The following CWF19L2 variants were observed in gnomAD, a reference collection of about 807,000 sequenced individuals.
The protein encoded by CWF19L2 is CWF19-like protein 2.
A neutral mutation model predicts 111.7 loss-of-function variants in CWF19L2; 98 were observed. The observed-to-expected ratio is 0.88, with a 90% CI of 0.75 to 1.04. CWF19L2 has a LOEUF of 1.04. Among genes scored for constraint, CWF19L2 ranks in the 50% least tolerant of loss-of-function variants. The pLI is 0.00. For missense variants in CWF19L2, 1,101 were observed against 1,051.4 expected, an observed-to-expected ratio of 1.05 and a Z score of -0.65; for synonymous variants, 351 against 342.9, an observed-to-expected ratio of 1.02 and a Z score of -0.26.
intron 12 of CWF19L2, among the ~76,000 whole-genome samples, chr11:107,374,183 T>C (rs1860560032): frequency 7.6e-6 from 1 of 132,086 alleles, no homozygotes; most frequent in Non-Finnish European, 1.6e-5. Flanking sequence ...GGAACCAAGT[T>C]GGAAAACACT....
At chr11:107,390,248 A>C (rs1165916915) in intron 11 of CWF19L2, 37 bp from the exon 12 acceptor site, 1 of 1,509,966 alleles carries the variant, frequency 6.6e-7, no homozygotes, top group South Asian at 1.2e-5. Flanking sequence ...TAATGAAAAC[A>C]TGAGTCTCTG....
chr11:107,360,012 T>G (rs1016848921), intron 12 of CWF19L2, among the ~76,000 whole-genome samples: 1 of 152,256 alleles, frequency 6.6e-6, no homozygotes, highest in East Asian at 1.9e-4. Context: ...GTTGCATGCA[T>G]AGATTGCATA....
chr11:107,456,855 G>A (rs1439220275), intron 1 of CWF19L2, among the ~76,000 whole-genome samples: 1 of 152,162 alleles, frequency 6.6e-6, no homozygotes, highest in Non-Finnish European at 1.5e-5. Context: ...GGAGATTAAA[G>A]GAGAATGGGG....
chr11:107,390,321 C>G lies in CWF19L2; in HGVS notation c.1735-110G>C, dbSNP rs939098750. On this transcript the variant is annotated intron_variant, in intron 11 of 17. Transcript: ENST00000282251. ...AAATGTAAAAATCCCACTATGTAAT[C>G]ACAACCTTTCCTTCCAGTTTATCCC... The G allele has an allele frequency of 4.5e-6, 4 of 897,660 alleles. No homozygotes were observed. In the African/African-American group the frequency reaches 5.2e-5, roughly 12 times the overall value. The allele number at this position is 897,660 out of a possible 1,614,324, so 55.6% of individuals were successfully genotyped here. A position where few individuals can be genotyped will look rare whatever the true frequency, so the allele number is the denominator to read the frequency against.
rs1323291013 is a variant in CWF19L2 at position 107,374,352 on chromosome 11, G to C, written c.1872+15722C>G. Among the ~76,000 whole-genome samples, 8 of 132,732 alleles carry C rather than the reference G, an allele frequency of 6.0e-5. 1 individual carries two copies. The highest frequency in any genetic ancestry group is 3.7e-4 in the Admixed American group (5 of 13,582). The allele number at this position is 132,732 out of a possible 152,430, so 87.1% of individuals were successfully genotyped here. On this transcript the variant is annotated intron_variant, in intron 12 of 17. Coordinates refer to ENST00000282251, the MANE Select transcript of CWF19L2 (RefSeq NM_152434.3). ...CCAAAGTTGAAATGAAGGAAAAAAT[G>C]TTAAGGGCAGCCAGAGAGAAAGGTT...
In CWF19L2 at chr11:107,368,498, G is replaced by A. The variant is rs1005955689; in HGVS notation, c.1873-14762C>T. 1.2e-4 allele frequency among the ~76,000 whole-genome samples: 17 copies of A among 137,692 alleles called. 5 individuals carry two copies. Among genetic ancestry groups the A allele is most frequent in the Non-Finnish European group, 2.5e-4 (16 of 64,158 alleles). The allele number at this position is 137,692 out of a possible 152,430, so 90.3% of individuals were successfully genotyped here. ...TGTCTGGCATACACATCCACTTGCCGTCACAGTAACTACTAAACTTCATGA... is the reference window on the plus strand; with the variant it reads ...TGTCTGGCATACACATCCACTTGCCATCACAGTAACTACTAAACTTCATGA... On this transcript the variant is annotated intron_variant, in intron 12 of 17. Coordinates refer to ENST00000282251, the MANE Select transcript of CWF19L2 (RefSeq NM_152434.3).
At chr11:107,331,838 C>T (rs996653263) in intron 16 of CWF19L2, among the ~76,000 whole-genome samples, 7 of 152,204 alleles carry the variant, frequency 4.6e-5, no homozygotes, top group African/African-American at 1.7e-4. Context: ...TATTCTCTCC[C>T]TGCAGGCTGC....
In CWF19L2 at chr11:107,447,888, A is replaced by T. The variant is rs139034826; in HGVS notation, c.340-4839T>A. 4.1e-3 allele frequency among the ~76,000 whole-genome samples: 624 copies of T among 152,330 alleles called. 8 individuals are homozygous for T. The highest frequency in any genetic ancestry group is 0.015 in the African/African-American group (608 of 41,576). ...AGCAAACCAAGACTTTAACACAGCT[A>T]TCATAAATATGTTCAAGGAAGGGAA... On this transcript the variant is annotated intron_variant, in intron 3 of 17. Coordinates refer to ENST00000282251, the MANE Select transcript of CWF19L2 (RefSeq NM_152434.3).
intron 8 of CWF19L2, 39 bp downstream of exon 8, chr11:107,428,760 C>G (rs1861415552): frequency 6.8e-7 from 1 of 1,477,254 alleles, no homozygotes; most frequent in Admixed American, 2.0e-5. Flanking sequence ...TTTGAACTCT[C>G]TGGATCTTAA....
chr11:107,369,245 T>A lies in CWF19L2; in HGVS notation c.1873-15509A>T, dbSNP rs1222458142. ...TACTGCCATAAGCTCCTTGTGGTAG[T>A]CTGTTTCTTCACTTATAATTTGATG... On this transcript the variant is annotated intron_variant, in intron 12 of 17. Coordinates refer to ENST00000282251, the MANE Select transcript of CWF19L2 (RefSeq NM_152434.3). Among the ~76,000 whole-genome samples, 6 of 138,326 alleles carry A rather than the reference T, an allele frequency of 4.3e-5. 2 individuals carry two copies. The highest frequency in any genetic ancestry group is 1.7e-4 in the African/African-American group (6 of 34,752). The allele number at this position is 138,326 out of a possible 152,430, so 90.7% of individuals were successfully genotyped here.
In CWF19L2 at chr11:107,441,496, C is replaced by A. The variant is rs2135420640; in HGVS notation, c.570+7G>T. 2 of 1,515,802 alleles carry A rather than the reference C, an allele frequency of 1.3e-6. No homozygotes were observed. Among genetic ancestry groups the A allele is most frequent in the African/African-American group, 1.4e-5 (1 of 70,966 alleles). The allele number at this position is 1,515,802 out of a possible 1,614,324, so 93.9% of individuals were successfully genotyped here. Reference sequence around the variant, plus strand: ...AGAAAGTTAAAGCATTTCAAATATTCTCTTACCTGTTCAAGCGCTTGGTTT... The same window carrying A: ...AGAAAGTTAAAGCATTTCAAATATTATCTTACCTGTTCAAGCGCTTGGTTT... On this transcript the variant is annotated splice_region_variant and intron_variant, in intron 5 of 17. Transcript: ENST00000282251.
chr11:107,394,434 A>G (rs912569543), intron 10 of CWF19L2, among the ~76,000 whole-genome samples: 1 of 152,154 alleles, frequency 6.6e-6, no homozygotes, highest in African/African-American at 2.4e-5. Context: ...TCAAAATACT[A>G]AGTCCAATAC....
intron 13 of CWF19L2, among the ~76,000 whole-genome samples, chr11:107,352,321 T>G (rs1860167647): frequency 6.6e-6 from 1 of 152,148 alleles, no homozygotes; most frequent in Non-Finnish European, 1.5e-5. Flanking sequence ...TTAAAACTGA[T>G]CTGGTTATGT....
At chr11:107,428,759 T>C in intron 8 of CWF19L2, 40 bp downstream of exon 8, 1 of 1,469,092 alleles carries the variant, frequency 6.8e-7, no homozygotes, top group Non-Finnish European at 9.3e-7. Flanking sequence ...CTTTGAACTC[T>C]CTGGATCTTA....
chr11:107,405,429 T>G (rs755604580), intron 10 of CWF19L2, among the ~76,000 whole-genome samples: 14 of 152,206 alleles, frequency 9.2e-5, no homozygotes, highest in Non-Finnish European at 1.6e-4. Context: ...AGATTAAAAC[T>G]TGCAGTTGCT....
intron 10 of CWF19L2, among the ~76,000 whole-genome samples, chr11:107,393,507 G>A (rs995768804): frequency 3.3e-5 from 5 of 152,122 alleles, no homozygotes; most frequent in Non-Finnish European, 5.9e-5. Context: ...TTATTGGAAG[G>A]ATTCTAATAA....
chr11:107,370,010 T>A (rs1860485453), intron 12 of CWF19L2, among the ~76,000 whole-genome samples: 1 of 137,732 alleles, frequency 7.3e-6, no homozygotes, highest in East Asian at 2.1e-4. Context: ...TAGAAATATA[T>A]CCACATTTCC....
chr11:107,447,489 T>A (rs1389296722), intron 3 of CWF19L2, among the ~76,000 whole-genome samples: 1 of 152,162 alleles, frequency 6.6e-6, no homozygotes, highest in Non-Finnish European at 1.5e-5. Context: ...GACATTCTAG[T>A]TCCTCCCAAC....
At chr11:107,342,918 C>T (rs886614204) in intron 14 of CWF19L2, among the ~76,000 whole-genome samples, 5 of 152,114 alleles carry the variant, frequency 3.3e-5, no homozygotes, top group African/African-American at 4.8e-5. Context: ...GATGTAGCCA[C>T]AAGCCAAGAA....
Sources: gnomAD v4.1 joint callset for allele counts (sites outside exome capture counted in the v4.1 genomes callset) on GRCh38, gnomAD v4.1.1 for gene constraint, MANE v1.5 for transcripts, NCBI Gene and HGNC (gene_info 2026-07-23, HGNC 2026-07-21) for gene names.